The following EXOC3 variants were observed in gnomAD, a reference collection of about 807,000 sequenced individuals.
EXOC3 encodes exocyst complex component 3, also known as SEC6-like 1.
Under a neutral mutation model 73.7 loss-of-function variants are expected in EXOC3, and 21 were observed. That is an observed-to-expected ratio of 0.29 (90% CI 0.20 to 0.41). The LOEUF (loss-of-function observed/expected upper bound fraction) is 0.41, where lower values mean the gene tolerates loss of function less well. EXOC3 is among the 10% of genes least tolerant of loss of function. The probability of loss-of-function intolerance (pLI) is 1.00; values close to 1 mark genes in which losing one functional copy is unlikely to be tolerated. For missense variants in EXOC3, 842 were observed against 985.1 expected (o/e 0.85, Z 1.95); for synonymous variants, 410 against 389.1 (o/e 1.05, Z -0.63).
chr5:457,431 T>C (rs1201001407), intron 5 of EXOC3: 2 of 242,994 alleles, frequency 8.2e-6, no homozygotes, highest in Non-Finnish European at 1.6e-5. Context: ...GTCTGCTTCT[T>C]AGACAAGGGT....
rs1278060542 is a variant in EXOC3, at chr5:450,730, A to G, written c.365-2640A>G. Among the ~76,000 whole-genome samples, 3 of 150,568 alleles carry G rather than the reference A, an allele frequency of 2.0e-5. No individual in the cohort carries two copies. The East Asian group carries it at 5.8e-4, about 29-fold the overall frequency. On this transcript the variant is annotated intron_variant, in intron 3 of 12. Transcript: ENST00000512944. ...TCTGTTAGTAAATGCAGAAATATTT[A>G]TAATTGTTACATCTTCTTGCTGAAC...
intron 10 of EXOC3, 26 bp from the exon 11 acceptor site, chr5:465,085 G>A (rs1738100836): frequency 2.0e-6 from 3 of 1,529,218 alleles, no homozygotes; most frequent in Admixed American, 2.0e-5. Flanking sequence ...CGTGGAGCCT[G>A]CCGCTGACCG....
chr5:466,830 C>A lies in EXOC3; in HGVS notation c.2170C>A (p.Pro724Thr), dbSNP rs1171521083. 6.2e-7 allele frequency: 1 copy of A among 1,613,338 alleles called. No individual in the cohort carries two copies. The highest frequency in any genetic ancestry group is 1.1e-5 in the South Asian group (1 of 91,020). ...TLEQGPAQAS[P>T]SYVPLFKDIV... ...GGAGCAGGGCCCAGCACAGGCCAGC[C>A]CCAGCTACGTGCCCCTCTTCAAGGA... Residue 724 changes from proline (P) to threonine (T), a missense_variant, in exon 13 of 13, where the codon CCC becomes ACC. Coordinates refer to ENST00000512944, the MANE Select transcript of EXOC3 (RefSeq NM_007277.5).
intron 4 of EXOC3, among the ~76,000 whole-genome samples, chr5:456,012 C>A (rs74547075): frequency 9.1e-4 from 138 of 152,326 alleles, no homozygotes; most frequent in African/African-American, 3.1e-3. Flanking sequence ...GCGTTTTTAT[C>A]AGTAATGTCC....
chr5:465,995 C>T, intron 12 of EXOC3, 150 bp downstream of exon 12: 1 of 845,994 alleles, frequency 1.2e-6, no homozygotes, highest in Middle Eastern at 3.6e-4. Flanking sequence ...GGGGCCCAGG[C>T]GCAGGGAGCA....
chr5:452,797 C>T (rs1321935840), intron 3 of EXOC3, among the ~76,000 whole-genome samples: 1 of 152,216 alleles, frequency 6.6e-6, no homozygotes, highest in Non-Finnish European at 1.5e-5. Flanking sequence ...CCGAATTTTT[C>T]CTATAAATGC....
rs1737797389 is a variant in EXOC3, at chr5:455,939, G to C, written c.1047-950G>C. Among the ~76,000 whole-genome samples the C allele has an allele frequency of 2.0e-5, 3 of 152,362 alleles. No individual in the cohort carries two copies. The South Asian group carries it at 6.2e-4, about 32-fold the overall frequency. On this transcript the variant is annotated intron_variant, in intron 4 of 12. Transcript: ENST00000512944. ...TTCTAATGAAAACTTTTCCTGAAATGTAGCATGTGTTTCCTGTCTTCTGGA... is the reference window on the plus strand; with the variant it reads ...TTCTAATGAAAACTTTTCCTGAAATCTAGCATGTGTTTCCTGTCTTCTGGA...
rs780916912 is a variant in EXOC3 at position 462,320 on chromosome 5, C to T, written c.1653+13C>T. On this transcript the variant is annotated intron_variant, in intron 9 of 12. Transcript: ENST00000512944. ...CCTGGACCTGGAGGTGGGCCTGGCT[C>T]TTTCCTCCTGCCGTTTTCTGGGCCG... The T allele has an allele frequency of 3.7e-6, 6 of 1,613,740 alleles. No individual in the cohort carries two copies. The highest frequency in any genetic ancestry group is 1.7e-4 in the Middle Eastern group (1 of 6,060).
chr5:461,016 C>A (rs949564423), intron 7 of EXOC3, among the ~76,000 whole-genome samples: 2 of 152,174 alleles, frequency 1.3e-5, no homozygotes, highest in Non-Finnish European at 2.9e-5. Context: ...AAAAATAGAG[C>A]GTGTCACTAC....
chr5:456,896 AT>A lies in EXOC3; in HGVS notation c.1055del (p.Met352ArgfsTer2), dbSNP rs1737834658. 1 of 1,613,108 alleles carries A rather than the reference AT, an allele frequency of 6.2e-7. No homozygotes were observed. Among genetic ancestry groups the A allele is most frequent in the Admixed American group, 1.7e-5 (1 of 59,998 alleles). On this transcript the variant is annotated frameshift_variant, in exon 5 of 13. Coordinates refer to ENST00000512944, the MANE Select transcript of EXOC3 (RefSeq NM_007277.5). LOFTEE classifies it high-confidence loss of function. ...WVLNTYTSTE[M>X]MRNVELAPEV... is the part of the protein sequence containing the mutation. ...TTCCTGGTTCCCCCATAGTACTGAGATGATGAGGAACGTGGAGCTGGCCCCG... is the reference window on the plus strand; with the variant it reads ...TTCCTGGTTCCCCCATAGTACTGAGAGATGAGGAACGTGGAGCTGGCCCCG...
intron 10 of EXOC3, 85 bp downstream of exon 10, chr5:464,497 C>G: frequency 1.4e-6 from 2 of 1,457,222 alleles, no homozygotes; most frequent in Non-Finnish European, 1.9e-6. Flanking sequence ...TCCAGCGAGT[C>G]CCTCCGTGAG....
At chr5:446,847 ACT>A (rs1230057916) in intron 2 of EXOC3, among the ~76,000 whole-genome samples, 1 of 151,758 alleles carries the variant, frequency 6.6e-6, no homozygotes, top group East Asian at 1.9e-4. Flanking sequence ...ACAGAGTGAG[ACT>A]CTGTCTCAAA....
At chr5:466,063 T>G in intron 12 of EXOC3, 1 of 344,294 alleles carries the variant, frequency 2.9e-6, no homozygotes, top group Non-Finnish European at 5.4e-6. Context: ...TGGGTGGAGC[T>G]CGAGGGGCAC....
At position 466,838 on chromosome 5, in the gene EXOC3, C is replaced by T. The variant is rs370924842; in HGVS notation, c.2178C>T (p.Tyr726=). The T allele has an allele frequency of 9.4e-5, 152 of 1,613,314 alleles. No homozygotes were observed. The African/African-American group carries it at 1.1e-3, about 12-fold the overall frequency. Residue 726 remains tyrosine, a synonymous_variant, in exon 13 of 13, where the codon TAC becomes TAT. Transcript: ENST00000512944. The part of the protein sequence containing the change: ...EQGPAQASPS[Y]VPLFKDIVVP... ...GCCCAGCACAGGCCAGCCCCAGCTA[C>T]GTGCCCCTCTTCAAGGACATTGTGG...
rs1320501067 is a variant in EXOC3, at chr5:466,976, C to T, written c.*78C>T. On this transcript the variant is annotated 3_prime_UTR_variant, in exon 13 of 13. Transcript: ENST00000512944. ...GAAACGCGGGACAGCTGATTGCTCT[C>T]CTTGGCCACACGTGCTCCTTTTAGC... The T allele has an allele frequency of 4.3e-6, 6 of 1,394,692 alleles. No homozygotes were observed. In the Admixed American group the frequency reaches 6.5e-5, roughly 15 times the overall value. The allele number at this position is 1,394,692 out of a possible 1,614,324, so 86.4% of individuals were successfully genotyped here.
chr5:446,242 G>T lies in EXOC3; in HGVS notation c.37G>T (p.Val13Leu). The part of the protein sequence containing the change: ...ETDREAVATA[V>L]QRVAGMLQRP... ...AGACCGGGAGGCCGTTGCGACAGCA[G>T]TGCAAAGGGTTGCTGGGATGCTCCA... The change falls in exon 2 of 13, where the codon GTG (valine) becomes TTG (leucine). Residue 13 changes from valine to leucine, a missense_variant. Val to Leu is a conservative substitution (Grantham distance 32). Transcript: ENST00000512944. 4 of 1,614,018 alleles carry T rather than the reference G, an allele frequency of 2.5e-6. No homozygotes were observed. The highest frequency in any genetic ancestry group is 3.4e-6 in the Non-Finnish European group (4 of 1,179,878).
Position 465,735 on chromosome 5 carries a change from G to A in EXOC3, c.1956G>A (p.Val652=). Residue 652 remains valine (V), a synonymous_variant, in exon 12 of 13, where the codon GTG becomes GTA. Transcript: ENST00000512944. ...RKLASGFGED[V]DGYCDTIVAV... is the part of the protein sequence containing the mutation. Reference sequence around the variant, plus strand: ...CCTTCCAGGGTTTCGGGGAAGACGTGGACGGATACTGCGACACCATCGTGG... The same window carrying A: ...CCTTCCAGGGTTTCGGGGAAGACGTAGACGGATACTGCGACACCATCGTGG... The A allele has an allele frequency of 6.2e-7, 1 of 1,613,908 alleles. No homozygotes were observed. The highest frequency in any genetic ancestry group is 2.2e-5 in the East Asian group (1 of 44,884).
intron 9 of EXOC3, 121 bp downstream of exon 9, chr5:462,428 C>A: frequency 8.9e-7 from 1 of 1,125,016 alleles, no homozygotes; most frequent in Non-Finnish European, 1.3e-6. Context: ...CCGGGCTGTG[C>A]ACTTGCATTC....
rs765761528 is a variant in EXOC3, at chr5:453,968, G to A, written c.963G>A (p.Thr321=). Residue 321 remains threonine (T), a synonymous_variant, in exon 4 of 13, where the codon ACG becomes ACA. Coordinates refer to ENST00000512944, the MANE Select transcript of EXOC3 (RefSeq NM_007277.5). ...ACATGTACCACCAAGCCCTGAGCAC[G>A]CGGATGCAGGACCTCGCATCGGAAG... ...LLNMYHQALS[T]RMQDLASEDL... is the part of the protein sequence containing the mutation. 19 of 1,613,838 alleles carry A rather than the reference G, an allele frequency of 1.2e-5. No homozygotes were observed. The highest frequency in any genetic ancestry group is 4.5e-5 in the East Asian group (2 of 44,896).
Sources: gnomAD v4.1 joint callset for allele counts (sites outside exome capture counted in the v4.1 genomes callset) on GRCh38, gnomAD v4.1.1 for gene constraint, MANE v1.5 for transcripts, NCBI Gene and HGNC (gene_info 2026-07-23, HGNC 2026-07-21) for gene names.